The following CDH13 variants were observed in gnomAD, a reference collection of about 807,000 sequenced individuals.
The protein encoded by CDH13 is cadherin 13, also known as cadherin-13.
A neutral mutation model predicts 63.8 loss-of-function variants in CDH13; 24 were observed. That is an observed-to-expected ratio of 0.38 (90% confidence interval 0.27 to 0.53). The LOEUF is 0.53. Among genes scored for constraint, CDH13 ranks in the 20% least tolerant of loss-of-function variants. The probability of loss-of-function intolerance (pLI) is 0.85; values close to 1 mark genes in which losing one functional copy is unlikely to be tolerated. For synonymous variants in CDH13, 503 were observed against 355.3 expected, an observed-to-expected ratio of 1.42 and a Z score of -4.67; for missense variants, 1,049 against 903.1, an observed-to-expected ratio of 1.16 and a Z score of -2.07.
At chr16:82,889,480 G>A (rs1309108878) in intron 2 of CDH13, among the ~76,000 whole-genome samples, 1 of 152,182 alleles carries the variant, frequency 6.6e-6, no homozygotes, top group Non-Finnish European at 1.5e-5. Context: ...AAGAAACTTG[G>A]CACCCACTGT....
intron 13 of CDH13, among the ~76,000 whole-genome samples, chr16:83,789,566 C>G (rs746014816): frequency 5.3e-5 from 8 of 151,992 alleles, no homozygotes; most frequent in Non-Finnish European, 1.0e-4. Context: ...CCAGGCTGGT[C>G]TGAAACTCCT....
At chr16:82,725,093 T>G (rs1307872186) in intron 1 of CDH13, among the ~76,000 whole-genome samples, 1 of 151,994 alleles carries the variant, frequency 6.6e-6, no homozygotes, top group South Asian at 2.1e-4. Flanking sequence ...GTGATGATGG[T>G]GTTGATGGTT....
At chr16:82,674,720 T>C (rs1913696760) in intron 1 of CDH13, among the ~76,000 whole-genome samples, 1 of 152,134 alleles carries the variant, frequency 6.6e-6, no homozygotes, top group Non-Finnish European at 1.5e-5. Context: ...GTCAATTACT[T>C]TGTGGATGTT....
Position 83,670,961 on chromosome 16 carries a change from T to C in CDH13, c.1273T>C (p.Ser425Pro). 1 of 1,596,150 alleles carries C rather than the reference T, an allele frequency of 6.3e-7. No individual in the cohort carries two copies. Among genetic ancestry groups the C allele is most frequent in the Non-Finnish European group, 8.6e-7 (1 of 1,168,576 alleles). Residue 425 changes from serine (S) to proline (P), a missense_variant, in exon 9 of 14, where the codon TCT becomes CCT. By Grantham distance (74) the Ser-to-Pro change is moderately conservative. Transcript: ENST00000567109. ...CCCTCAAACCAACGAAGGGATGCTTTCTGTTGTCAAAGTAAGGGTGCTTCC... is the reference window on the plus strand; with the variant it reads ...CCCTCAAACCAACGAAGGGATGCTTCCTGTTGTCAAAGTAAGGGTGCTTCC... ...TNPQTNEGML[S>P]VVKPLDYEIS...
At chr16:83,318,832 C>G (rs2090160783) in intron 5 of CDH13, among the ~76,000 whole-genome samples, 1 of 152,102 alleles carries the variant, frequency 6.6e-6, no homozygotes, top group Non-Finnish European at 1.5e-5. Flanking sequence ...TTTGAAGTCA[C>G]TGCTGGGATT....
At chr16:83,681,796 G>A (rs1915429343) in intron 10 of CDH13, among the ~76,000 whole-genome samples, 1 of 152,154 alleles carries the variant, frequency 6.6e-6, no homozygotes, top group Non-Finnish European at 1.5e-5. Context: ...TGCAGAGAGG[G>A]GCCAGGATGG....
intron 6 of CDH13, among the ~76,000 whole-genome samples, chr16:83,435,898 A>G (rs775156881): frequency 5.3e-5 from 8 of 152,322 alleles, no homozygotes; most frequent in Admixed American, 5.2e-4. Flanking sequence ...CAGGCCTGGT[A>G]CATAGTAGCC....
At chr16:83,625,073 C>A (rs963041712) in intron 8 of CDH13, among the ~76,000 whole-genome samples, 3 of 152,120 alleles carry the variant, frequency 2.0e-5, no homozygotes, top group African/African-American at 7.2e-5. Flanking sequence ...CAAATCAGGG[C>A]TTTTCCCCCT....
intron 3 of CDH13, among the ~76,000 whole-genome samples, chr16:83,057,575 C>A (rs2031077003): frequency 7.6e-6 from 1 of 131,434 alleles, no homozygotes; most frequent in African/African-American, 3.2e-5. Context: ...TCTTTTACTG[C>A]CACTTTCTAT....
At chr16:83,506,636 C>T (rs1323336362) in intron 7 of CDH13, among the ~76,000 whole-genome samples, 1 of 152,192 alleles carries the variant, frequency 6.6e-6, no homozygotes, top group Non-Finnish European at 1.5e-5. Context: ...TGCGTGGTCC[C>T]CTCCCACATC....
At chr16:83,183,246 A>G (rs538329025) in intron 4 of CDH13, among the ~76,000 whole-genome samples, 1 of 152,358 alleles carries the variant, frequency 6.6e-6, no homozygotes, top group African/African-American at 2.4e-5. Flanking sequence ...GGTTTTAAGT[A>G]TCGTTGATAT....
At chr16:83,731,299 C>T (rs28852112) in intron 10 of CDH13, among the ~76,000 whole-genome samples, 26,964 of 151,356 alleles carry the variant, frequency 0.18, 2,458 homozygotes, top group Middle Eastern at 0.22. Context: ...TAAGAGTTCC[C>T]TTTTCTCTGT....
chr16:82,832,536 A>T (rs1488486799), intron 1 of CDH13, among the ~76,000 whole-genome samples: 1 of 152,128 alleles, frequency 6.6e-6, no homozygotes, highest in East Asian at 1.9e-4. Flanking sequence ...TCTATTAAAC[A>T]TAGTTATAGG....
intron 1 of CDH13, among the ~76,000 whole-genome samples, chr16:82,652,408 C>T (rs974885565): frequency 6.6e-6 from 1 of 152,218 alleles, no homozygotes; most frequent in Non-Finnish European, 1.5e-5. Flanking sequence ...CGTTATATAT[C>T]TTCTATCCTG....
At chr16:82,779,420 C>G (rs367902198) in intron 1 of CDH13, among the ~76,000 whole-genome samples, 2 of 152,158 alleles carry the variant, frequency 1.3e-5, no homozygotes, top group African/African-American at 4.8e-5. Context: ...AATCAGGGCT[C>G]CTAACACAGC....
intron 5 of CDH13, among the ~76,000 whole-genome samples, chr16:83,341,433 A>G (rs1478567579): frequency 6.6e-6 from 1 of 152,178 alleles, no homozygotes; most frequent in Admixed American, 6.5e-5. Context: ...ACGGTATGTG[A>G]TTGGGTGGAT....
intron 4 of CDH13, among the ~76,000 whole-genome samples, chr16:83,129,673 C>A (rs1222851459): frequency 2.0e-5 from 3 of 152,146 alleles, no homozygotes; most frequent in African/African-American, 7.2e-5. Context: ...GTGTAAATTC[C>A]CTGGCATATC....
At chr16:83,241,134 C>T (rs1904403930) in intron 5 of CDH13, among the ~76,000 whole-genome samples, 1 of 152,148 alleles carries the variant, frequency 6.6e-6, no homozygotes, top group Non-Finnish European at 1.5e-5. Flanking sequence ...ACTTGAGGTT[C>T]ATCTATGTAG....
intron 7 of CDH13, among the ~76,000 whole-genome samples, chr16:83,492,834 C>T (rs1027946805): frequency 6.6e-6 from 1 of 152,108 alleles, no homozygotes. Flanking sequence ...AGAAGAAGAC[C>T]TTGATGAGTC....
Sources: gnomAD v4.1 joint callset for allele counts (sites outside exome capture counted in the v4.1 genomes callset) on GRCh38, gnomAD v4.1.1 for gene constraint, MANE v1.5 for transcripts, NCBI Gene and HGNC (gene_info 2026-07-23, HGNC 2026-07-21) for gene names.